KRT16: variants seen among roughly 807,000 people sequenced by gnomAD.
KRT16 encodes the protein keratin, type I cytoskeletal 16.
In KRT16, 42 loss-of-function variants were observed where a neutral mutation model predicts 44.8. The ratio of observed to expected loss-of-function variants is 0.94; its 90% CI spans 0.73 to 1.21. The LOEUF (loss-of-function observed/expected upper bound fraction) is 1.21, where lower values mean the gene tolerates loss of function less well. KRT16 is among the 50% of genes most tolerant of loss of function. The pLI is 0.00. For missense variants in KRT16, 561 were observed against 626.9 expected (o/e 0.89, Z 1.12); for synonymous variants, 226 against 260.4 (o/e 0.87, Z 1.27).
chr17:41,612,625 C>T lies in KRT16; in HGVS notation c.64G>A (p.Gly22Ser). 1 of 1,598,110 alleles carries T rather than the reference C, an allele frequency of 6.3e-7. No homozygotes were observed. The highest frequency in any genetic ancestry group is 1.3e-5 in the African/African-American group (1 of 74,644). Residue 22 changes from glycine to serine, a missense_variant, in exon 1 of 8, where the codon GGC (glycine) becomes AGC (serine). Gly to Ser is a moderately conservative substitution (Grantham distance 56). Transcript: ENST00000301653. ...CGGCTGGAGCCGCCCCCGATGCCGC[C>T]TCCGATGCCGCAGGAGCCCTTCATG... ...SSMKGSCGIG[G>S]GIGGGSSRIS...
At position 41,610,950 on chromosome 17, in the gene KRT16, G is replaced by A. The variant is rs941583326; in HGVS notation, c.963C>T (p.Ser321=). 2.5e-6 allele frequency: 4 copies of A among 1,614,018 alleles called. No individual in the cohort carries two copies. In the African/African-American group the frequency reaches 5.3e-5, roughly 22 times the overall value. Residue 321 remains serine (S), a synonymous_variant, in exon 5 of 8, where the codon TCC becomes TCT. Coordinates refer to ENST00000301653, the MANE Select transcript of KRT16 (RefSeq NM_005557.4). Reference sequence around the variant, plus strand: ...GGCTGCTCTGTACCAGTTCGCTGTTGGAGGCCACTTCTTTGTTCAGCTCCT... The same window carrying A: ...GGCTGCTCTGTACCAGTTCGCTGTTAGAGGCCACTTCTTTGTTCAGCTCCT... ...KTEELNKEVA[S]NSELVQSSRS...
In KRT16 at chr17:41,611,299, C is replaced by T. The variant is rs201610693; in HGVS notation, c.771+46G>A. 6.8e-6 allele frequency: 11 copies of T among 1,613,978 alleles called. No homozygotes were observed. In the Admixed American group the frequency reaches 1.7e-4, roughly 24 times the overall value. ...TCCTGGCCCTGGGTGCATCTGGCAA[C>T]CCCACCAAACCAGCCTCCCACCCCG... is the stretch of plus-strand genomic sequence containing the variant. On this transcript the variant is annotated intron_variant, in intron 3 of 7. Coordinates refer to ENST00000301653, the MANE Select transcript of KRT16 (RefSeq NM_005557.4).
rs767053955 is a variant in KRT16, at chr17:41,612,240, C to T, written c.449G>A (p.Arg150His). The T allele has an allele frequency of 7.4e-6, 12 of 1,613,498 alleles. No individual in the cohort carries two copies. The East Asian group carries it at 1.6e-4, about 21-fold the overall frequency. ...GGGCCGCTGCCTCTGGTACCAGTCACGGATCTTCACTTCCAGGTCGGCGTT... is the reference window on the plus strand; with the variant it reads ...GGGCCGCTGCCTCTGGTACCAGTCATGGATCTTCACTTCCAGGTCGGCGTT... ...EANADLEVKI[R>H]DWYQRQRPSE... The change falls in exon 1 of 8, where the codon CGT becomes CAT. Residue 150 changes from arginine (R) to histidine (H), a missense_variant. Coordinates refer to ENST00000301653, the MANE Select transcript of KRT16 (RefSeq NM_005557.4).
At chr17:41,610,705 G>C in intron 5 of KRT16, 149 bp downstream of exon 5, 1 of 1,475,928 alleles carries the variant, frequency 6.8e-7, no homozygotes, top group South Asian at 1.1e-5. Flanking sequence ...CACTATTCTA[G>C]GGCTTAGTTT....
intron 4 of KRT16, 21 bp downstream of exon 4, chr17:41,611,048 C>T (rs760803310): frequency 1.9e-6 from 3 of 1,614,048 alleles, no homozygotes; most frequent in Non-Finnish European, 2.5e-6. Context: ...GCTGCAGGCT[C>T]ACTGCGGGCC....
intron 1 of KRT16, 105 bp downstream of exon 1, chr17:41,612,053 G>T (rs1187454370): frequency 5.7e-6 from 8 of 1,393,894 alleles, no homozygotes; most frequent in East Asian, 2.3e-5. Context: ...CTCCCCAAAG[G>T]TGCCCAGTCT....
chr17:41,612,261 G>A lies in KRT16; in HGVS notation c.428C>T (p.Ala143Val), dbSNP rs777789642. 6.2e-7 allele frequency: 1 copy of A among 1,613,924 alleles called. No individual in the cohort carries two copies. The highest frequency in any genetic ancestry group is 8.5e-7 in the Non-Finnish European group (1 of 1,180,030). Residue 143 changes from alanine to valine, a missense_variant, in exon 1 of 8, where the codon GCC becomes GTC. By Grantham distance (64) the Ala-to-Val change is moderately conservative (BLOSUM62 0). Coordinates refer to ENST00000301653, the MANE Select transcript of KRT16 (RefSeq NM_005557.4). ...GTCACGGATCTTCACTTCCAGGTCG[G>A]CGTTGGCCTCCTCCAGAGCACGCAC... ...DKVRALEEANADLEVKIRDWY... is the reference protein window; with the variant it reads ...DKVRALEEANVDLEVKIRDWY...
Position 41,612,189 on chromosome 17 carries a change from T to A in KRT16, c.500A>T (p.Tyr167Phe). The A allele has an allele frequency of 6.2e-7, 1 of 1,612,534 alleles. No individual in the cohort carries two copies. The highest frequency in any genetic ancestry group is 1.1e-5 in the South Asian group (1 of 91,006). The change falls in exon 1 of 8, where the codon TAC becomes TTC. Residue 167 changes from tyrosine to phenylalanine, a missense_variant. Tyr to Phe is a conservative substitution (Grantham distance 22). Coordinates refer to ENST00000301653, the MANE Select transcript of KRT16 (RefSeq NM_005557.4). The stretch of plus-strand genomic sequence containing the variant: ...CCTCAGGTCCTCGATGGTCTTGAAG[T>A]AGGGACTGTAGTCTTTGATCTCACT... ...RPSEIKDYSPYFKTIEDLRNK... is the reference protein window; with the variant it reads ...RPSEIKDYSPFFKTIEDLRNK...
chr17:41,612,149 G>A lies in KRT16; in HGVS notation c.531+9C>T, dbSNP rs750995962. 105 of 1,611,928 alleles carry A rather than the reference G, an allele frequency of 6.5e-5. 1 individual carries two copies. In the East Asian group the frequency reaches 2.3e-3, roughly 36 times the overall value. On this transcript the variant is annotated intron_variant, in intron 1 of 7. Coordinates refer to ENST00000301653, the MANE Select transcript of KRT16 (RefSeq NM_005557.4). ...CTCTCTCAGTGCTCCATACACCAAA[G>A]TCACCCACCTTGTTCCTCAGGTCCT...
chr17:41,611,198 T>G lies in KRT16; in HGVS notation c.804A>C (p.Gly268=), dbSNP rs753312856. Residue 268 remains glycine (G), a synonymous_variant, in exon 4 of 8, where the codon GGA becomes GGC. Coordinates refer to ENST00000301653, the MANE Select transcript of KRT16 (RefSeq NM_005557.4). ...CAGCATCCATCTCCACGTTCACATC[T>G]CCGCCGGTCTGACCTCTCAGAGCAA... ...EMLALRGQTG[G]DVNVEMDAAP... The G allele has an allele frequency of 1.9e-5, 31 of 1,613,818 alleles. No individual in the cohort carries two copies. Among genetic ancestry groups the G allele is most frequent in the Non-Finnish European group, 2.5e-5 (30 of 1,179,862 alleles).
In KRT16 at chr17:41,612,477, C is replaced by G. The variant is rs144088254; in HGVS notation, c.212G>C (p.Gly71Ala). Residue 71 changes from glycine to alanine, a missense_variant, in exon 1 of 8, where the codon GGC becomes GCC. Physicochemically the swap from Gly to Ala is moderately conservative, Grantham distance 60. Transcript: ENST00000301653. Reference protein sequence around the residue: ...ACGLGGGYGGGFSSSSSFGSG... With the variant: ...ACGLGGGYGGAFSSSSSFGSG... The stretch of plus-strand genomic sequence containing the variant: ...ACCAAAGCTGCTGCTGCTGCTGAAG[C>G]CACCGCCATAGCCGCCCCCCAGCCC... 2,749 of 1,608,638 alleles carry G rather than the reference C, an allele frequency of 1.7e-3. 31 individuals are homozygous for G. In the African/African-American group the frequency reaches 0.032, roughly 19 times the overall value.
chr17:41,610,977 G>T lies in KRT16; in HGVS notation c.936C>A (p.Thr312=), dbSNP rs1237925396. Residue 312 remains threonine (T), a splice_region_variant and synonymous_variant, in exon 5 of 8, where the codon ACC becomes ACA. Transcript: ENST00000301653. ...AGGCCACTTCTTTGTTCAGCTCCTC[G>T]GTCTGAGGCAGGAAAGCAGAGTGAA... ...RDAETWFLSK[T]EELNKEVASN... is the part of the protein sequence containing the mutation. The T allele has an allele frequency of 4.3e-6, 7 of 1,613,946 alleles. No homozygotes were observed. Among genetic ancestry groups the T allele is most frequent in the Non-Finnish European group, 4.2e-6 (5 of 1,179,958 alleles).
chr17:41,611,900 C>T (rs1183932283), intron 1 of KRT16, 179 bp from the exon 2 acceptor site: 2 of 779,464 alleles, frequency 2.6e-6, no homozygotes, highest in African/African-American at 3.4e-5. Context: ...CCGATCACCC[C>T]CTTCCTGGGC....
chr17:41,612,653 G>A lies in KRT16; in HGVS notation c.36C>T (p.Ser12=), dbSNP rs759651770. 12 of 1,602,120 alleles carry A rather than the reference G, an allele frequency of 7.5e-6. No homozygotes were observed. The East Asian group carries it at 2.7e-4, about 36-fold the overall frequency. The part of the protein sequence containing the change: ...TTCSRQFTSS[S]SMKGSCGIGG... ...CGATGCCGCAGGAGCCCTTCATGGAGCTGGAGGAGGTGAACTGGCGGCTGC... is the reference window on the plus strand; with the variant it reads ...CGATGCCGCAGGAGCCCTTCATGGAACTGGAGGAGGTGAACTGGCGGCTGC... The change falls in exon 1 of 8, where the codon AGC becomes AGT. Residue 12 remains serine, a synonymous_variant. Coordinates refer to ENST00000301653, the MANE Select transcript of KRT16 (RefSeq NM_005557.4).
Position 41,611,665 on chromosome 17 carries a change from C to A in KRT16, c.588G>T (p.Arg196Ser), listed in dbSNP as rs570955567. 3 of 1,611,434 alleles carry A rather than the reference C, an allele frequency of 1.9e-6. No homozygotes were observed. Among genetic ancestry groups the A allele is most frequent in the South Asian group, 2.2e-5 (2 of 90,836 alleles). ...TGGTCCTGAAGTCATCGGCTGCCAGCCTGGCATTGTCAATCTGCAAAATGG... is the reference window on the plus strand; with the variant it reads ...TGGTCCTGAAGTCATCGGCTGCCAGACTGGCATTGTCAATCTGCAAAATGG... ...AQPILQIDNA[R>S]LAADDFRTKY... is the part of the protein sequence containing the mutation. The change falls in exon 2 of 8, where the codon AGG (arginine) becomes AGT (serine). Residue 196 changes from arginine (R) to serine (S), a missense_variant. Transcript: ENST00000301653.
Position 41,612,351 on chromosome 17 carries a change from A to G in KRT16, c.338T>C (p.Leu113Pro). Residue 113 changes from leucine to proline, a missense_variant, in exon 1 of 8, where the codon CTG becomes CCG. Leu to Pro is a moderately conservative substitution (Grantham distance 98). Transcript: ENST00000301653. ...GGGFAGGDGL[L>P]VGSEKVTMQN... Reference sequence around the variant, plus strand: ...CATGGTCACCTTCTCACTGCCCACCAGAAGCCCATCACCACCAGCAAAACC... The same window carrying G: ...CATGGTCACCTTCTCACTGCCCACCGGAAGCCCATCACCACCAGCAAAACC... The G allele has an allele frequency of 6.2e-7, 1 of 1,614,162 alleles. No individual in the cohort carries two copies. The highest frequency in any genetic ancestry group is 8.5e-7 in the Non-Finnish European group (1 of 1,180,022).
In KRT16 at chr17:41,611,644, C is replaced by G; in HGVS notation, c.609G>C (p.Arg203Ser). 1 of 1,611,392 alleles carries G rather than the reference C, an allele frequency of 6.2e-7. No homozygotes were observed. The highest frequency in any genetic ancestry group is 8.5e-7 in the Non-Finnish European group (1 of 1,179,600). Residue 203 changes from arginine to serine, a missense_variant, in exon 2 of 8, where the codon AGG becomes AGC. Transcript: ENST00000301653. ...CCACCATGCTGGCTGCTCACTTGGT[C>G]CTGAAGTCATCGGCTGCCAGCCTGG... ...DNARLAADDF[R>S]TKYEHELALR...
chr17:41,611,862 C>T, intron 1 of KRT16, 141 bp from the exon 2 acceptor site: 1 of 882,362 alleles, frequency 1.1e-6, no homozygotes, highest in Non-Finnish European at 1.8e-6. Flanking sequence ...TCTCCACCAG[C>T]TCAGGCTACG....
At position 41,612,524 on chromosome 17, in the gene KRT16, G is replaced by A. The variant is rs1400492520; in HGVS notation, c.165C>T (p.Arg55=). The change falls in exon 1 of 8, where the codon CGC becomes CGT. Residue 55 remains arginine, a synonymous_variant. Transcript: ENST00000301653. ...GCCCGCAGGCTCCCCCAGAGGAGAA[G>A]CGAGAGGAGACAGACAGGCCGCCCC... ...TYGGGLSVSS[R]FSSGGACGLG... 2 of 1,600,364 alleles carry A rather than the reference G, an allele frequency of 1.2e-6. No homozygotes were observed. The highest frequency in any genetic ancestry group is 2.7e-5 in the African/African-American group (2 of 74,578).
Sources: gnomAD v4.1 joint callset for allele counts on GRCh38, gnomAD v4.1.1 for gene constraint, MANE v1.5 for transcripts, NCBI Gene and HGNC (gene_info 2026-07-23, HGNC 2026-07-21) for gene names.